OC90: variants seen among roughly 807,000 people sequenced by gnomAD.
OC90 encodes the protein otoconin-90.
In OC90, 46 loss-of-function variants were observed where a neutral mutation model predicts 47.3. That is an observed-to-expected ratio of 0.97 (90% confidence interval 0.77 to 1.24). OC90 has a LOEUF of 1.24. Among genes scored for constraint, OC90 ranks in the 50% most tolerant of loss-of-function variants. The probability of loss-of-function intolerance (pLI) is 0.00; values close to 1 mark genes in which losing one functional copy is unlikely to be tolerated. For synonymous variants in OC90, 271 were observed against 219.5 expected, an observed-to-expected ratio of 1.23 and a Z score of -2.07; for missense variants, 688 against 583.9, an observed-to-expected ratio of 1.18 and a Z score of -1.84.
chr8:132,025,041 G>A (rs936665361), intron 13 of OC90, among the ~76,000 whole-genome samples: 47 of 152,338 alleles, frequency 3.1e-4, no homozygotes, highest in African/African-American at 1.1e-3. Context: ...TGCCTGAGCT[G>A]CCAGGCTAAG....
At chr8:132,035,727 C>G (rs1159203875) in intron 9 of OC90, among the ~76,000 whole-genome samples, 1 of 152,312 alleles carries the variant, frequency 6.6e-6, no homozygotes, top group East Asian at 1.9e-4. Context: ...TATTCAAAAG[C>G]AAAACCTATA....
chr8:132,058,885 A>G (rs910409008), intron 1 of OC90, among the ~76,000 whole-genome samples: 2 of 152,124 alleles, frequency 1.3e-5, no homozygotes, highest in Admixed American at 6.5e-5. Flanking sequence ...CTGGCATTGC[A>G]TCTTTTCACA....
intron 2 of OC90, among the ~76,000 whole-genome samples, chr8:132,053,361 A>C (rs1012986086): frequency 1.3e-5 from 2 of 152,200 alleles, no homozygotes; most frequent in African/African-American, 4.8e-5. Context: ...CATTATACAT[A>C]TATAACAGAA....
chr8:132,055,979 T>G (rs1823275422), intron 1 of OC90, among the ~76,000 whole-genome samples: 1 of 152,200 alleles, frequency 6.6e-6, no homozygotes, highest in Non-Finnish European at 1.5e-5. Flanking sequence ...ACTCCATAAA[T>G]AATGTAAATA....
At chr8:132,053,854 G>T (rs951980641) in intron 2 of OC90, among the ~76,000 whole-genome samples, 1 of 152,204 alleles carries the variant, frequency 6.6e-6, no homozygotes, top group East Asian at 1.9e-4. Context: ...AAGTCACAAG[G>T]CAGCTCCGAG....
intron 12 of OC90, among the ~76,000 whole-genome samples, chr8:132,030,301 T>TA (rs1357109035): frequency 6.6e-6 from 1 of 152,182 alleles, no homozygotes; most frequent in Non-Finnish European, 1.5e-5. Flanking sequence ...TAAATTCTTA[T>TA]AAAAAAATTA....
chr8:132,031,626 T>C (rs937634177), intron 12 of OC90, among the ~76,000 whole-genome samples: 2 of 152,194 alleles, frequency 1.3e-5, no homozygotes, highest in Non-Finnish European at 2.9e-5. Flanking sequence ...GGCCCCCAGA[T>C]CAAAAGATGT....
intron 13 of OC90, among the ~76,000 whole-genome samples, chr8:132,028,534 G>GA (rs1349359236): frequency 1.1e-4 from 2 of 18,392 alleles, no homozygotes; most frequent in African/African-American, 2.6e-4. Flanking sequence ...AGAAAAGAAA[G>GA]AAAGAAAGAA....
intron 2 of OC90, among the ~76,000 whole-genome samples, chr8:132,047,343 G>A (rs888821603): frequency 2.0e-5 from 3 of 152,052 alleles, no homozygotes; most frequent in African/African-American, 7.2e-5. Context: ...TATTAAAGGA[G>A]AATTTGATTT....
At chr8:132,045,680 G>T (rs1823121688) in intron 3 of OC90, 138 bp downstream of exon 3, 1 of 584,164 alleles carries the variant, frequency 1.7e-6, no homozygotes, top group African/African-American at 1.9e-5. Context: ...ATGCTTTTGA[G>T]TCCCACTTCA....
At chr8:132,050,520 G>A (rs1464776106) in intron 2 of OC90, among the ~76,000 whole-genome samples, 1 of 152,186 alleles carries the variant, frequency 6.6e-6, no homozygotes, top group Non-Finnish European at 1.5e-5. Flanking sequence ...AGAGGCTGCA[G>A]GGGATGGAAA....
intron 2 of OC90, among the ~76,000 whole-genome samples, chr8:132,051,894 C>CA (rs1823215539): frequency 6.6e-6 from 1 of 152,124 alleles, no homozygotes; most frequent in Non-Finnish European, 1.5e-5. Context: ...TTTTATTTTT[C>CA]AAAAATTTTT....
At chr8:132,024,806 T>A in intron 13 of OC90, 30 bp from the exon 14 acceptor site, 1 of 1,580,058 alleles carries the variant, frequency 6.3e-7, no homozygotes, top group Non-Finnish European at 8.6e-7. Context: ...GTAGAAGCCA[T>A]GAGACCTCTG....
chr8:132,046,166 T>C (rs1286030731), intron 2 of OC90, among the ~76,000 whole-genome samples: 1 of 152,180 alleles, frequency 6.6e-6, no homozygotes, highest in Non-Finnish European at 1.5e-5. Flanking sequence ...GCCGTCTTTG[T>C]GTATGAAGCA....
At position 132,037,465 on chromosome 8, in the gene OC90, T is replaced by C; in HGVS notation, c.652A>G (p.Thr218Ala). The C allele has an allele frequency of 6.3e-7, 1 of 1,582,504 alleles. No individual in the cohort carries two copies. Among genetic ancestry groups the C allele is most frequent in the Non-Finnish European group, 8.6e-7 (1 of 1,163,052 alleles). Residue 218 changes from threonine to alanine, a missense_variant, in exon 9 of 14, where the codon ACC (threonine) becomes GCC (alanine). Coordinates refer to ENST00000254627, the MANE Select transcript of OC90 (RefSeq NM_001080399.3). ...PRVVPVEPTD[T>A]SLTALSGEEA... ...TCTCCTGAAAGGGCTGTCAGGCTGGTGTCTGTGGGCTCCACAGGAACCACT... is the reference window on the plus strand; with the variant it reads ...TCTCCTGAAAGGGCTGTCAGGCTGGCGTCTGTGGGCTCCACAGGAACCACT...
Position 132,045,868 on chromosome 8 carries a change from T to C in OC90, c.62A>G (p.Asp21Gly). 5 of 1,542,010 alleles carry C rather than the reference T, an allele frequency of 3.2e-6. No homozygotes were observed. Among genetic ancestry groups the C allele is most frequent in the South Asian group, 1.2e-5 (1 of 83,864 alleles). The change falls in exon 3 of 14, where the codon GAC (aspartate) becomes GGC (glycine). Residue 21 changes from aspartate (D) to glycine (G), a missense_variant. Asp to Gly is a moderately conservative substitution (Grantham distance 94, BLOSUM62 -1). Coordinates refer to ENST00000254627, the MANE Select transcript of OC90 (RefSeq NM_001080399.3). ...MIPHAGGHPLDTPHLPQELPP... is the reference protein window; with the variant it reads ...MIPHAGGHPLGTPHLPQELPP... The stretch of plus-strand genomic sequence containing the variant: ...CAGCTCCTGTGGAAGATGTGGAGTG[T>C]CCAGAGGATGGCCTCCTATAAATAA...
intron 13 of OC90, among the ~76,000 whole-genome samples, chr8:132,027,448 GGAA>G (rs1409004006): frequency 6.6e-6 from 1 of 152,186 alleles, no homozygotes; most frequent in South Asian, 2.1e-4. Context: ...GTTGTGTAGA[GGAA>G]GAAGAAGGGA....
At chr8:132,028,686 G>GAGAGACAGAA (rs1554613376) in intron 13 of OC90, among the ~76,000 whole-genome samples, 1 of 126,996 alleles carries the variant, frequency 7.9e-6, no homozygotes, top group Admixed American at 8.3e-5. Context: ...AAGAAAGAAA[G>GAGAGACAGAA]AGAAAGAAAG....
In OC90 at chr8:132,041,527, G is replaced by T; in HGVS notation, c.342C>A (p.Asp114Glu). 1 of 1,609,878 alleles carries T rather than the reference G, an allele frequency of 6.2e-7. No homozygotes were observed. Among genetic ancestry groups the T allele is most frequent in the Non-Finnish European group, 8.5e-7 (1 of 1,178,070 alleles). ...EMEGLPVDES[D>E]SCCFQHRRCY... is the part of the protein sequence containing the mutation. Reference sequence around the variant, plus strand: ...GCTCACCTGTGGAACTCACTTACCTGTCAGATTCATCCACAGGCAACCCTT... The same window carrying T: ...GCTCACCTGTGGAACTCACTTACCTTTCAGATTCATCCACAGGCAACCCTT... The change falls in exon 5 of 14, where the codon GAC (aspartate) becomes GAA (glutamate). Residue 114 changes from aspartate to glutamate, a missense_variant and splice_region_variant. Asp to Glu is a conservative substitution (Grantham distance 45, BLOSUM62 2). Transcript: ENST00000254627.
Sources: gnomAD v4.1 joint callset for allele counts (sites outside exome capture counted in the v4.1 genomes callset) on GRCh38, gnomAD v4.1.1 for gene constraint, MANE v1.5 for transcripts, NCBI Gene and HGNC (gene_info 2026-07-23, HGNC 2026-07-21) for gene names.